The following CSMD3 variants were observed in gnomAD, a reference collection of about 807,000 sequenced individuals.
The protein encoded by CSMD3 is CUB and Sushi multiple domains 3.
In CSMD3, 177 loss-of-function variants were observed where a neutral mutation model predicts 435.2. The ratio of observed to expected loss-of-function variants is 0.41; its 90% CI spans 0.36 to 0.46. CSMD3 has a LOEUF of 0.46. CSMD3 is among the 20% of genes least tolerant of loss of function. The probability of loss-of-function intolerance (pLI) is 0.34; values close to 1 mark genes in which losing one functional copy is unlikely to be tolerated. For synonymous variants in CSMD3, 1,656 were observed against 1,520.5 expected, an observed-to-expected ratio of 1.09 and a Z score of -2.07; for missense variants, 4,265 against 4,504.6, an observed-to-expected ratio of 0.95 and a Z score of 1.52.
At chr8:112,989,339 A>C (rs1388242158) in intron 6 of CSMD3, among the ~76,000 whole-genome samples, 1 of 151,906 alleles carries the variant, frequency 6.6e-6, no homozygotes, top group Non-Finnish European at 1.5e-5. Context: ...TGGGCATTTC[A>C]CTTTATTTCT....
At chr8:113,331,328 CA>C (rs1563709727) in intron 1 of CSMD3, among the ~76,000 whole-genome samples, 1 of 151,124 alleles carries the variant, frequency 6.6e-6, no homozygotes, top group East Asian at 1.9e-4. Flanking sequence ...ATCCTAGGCC[CA>C]AAAAGCTTCA....
chr8:112,447,953 C>A (rs7824048), intron 32 of CSMD3, among the ~76,000 whole-genome samples: 69,851 of 151,920 alleles, frequency 0.46, 16,444 homozygotes, highest in Middle Eastern at 0.61. Context: ...CTGTGTATGT[C>A]ACCTTATTTG....
At chr8:112,949,990 T>C (rs2083750603) in intron 8 of CSMD3, among the ~76,000 whole-genome samples, 1 of 152,010 alleles carries the variant, frequency 6.6e-6, no homozygotes, top group Non-Finnish European at 1.5e-5. Context: ...ACTCATTTTT[T>C]CCATGTTATT....
At chr8:112,947,752 A>G in intron 9 of CSMD3, 38 bp downstream of exon 9, 1 of 863,340 alleles carries the variant, frequency 1.2e-6, no homozygotes, top group Non-Finnish European at 2.0e-6. Context: ...ATAAACCTTG[A>G]CAAGATAAAT....
chr8:113,112,474 T>TACACAC (rs10587896), intron 4 of CSMD3, among the ~76,000 whole-genome samples: 3 of 96,526 alleles, frequency 3.1e-5, no homozygotes, highest in Non-Finnish European at 4.3e-5. Flanking sequence ...CACACACACG[T>TACACAC]ACACACACAC....
chr8:112,366,422 A>G (rs1827784400), intron 38 of CSMD3, among the ~76,000 whole-genome samples: 1 of 152,054 alleles, frequency 6.6e-6, no homozygotes, highest in Non-Finnish European at 1.5e-5. Flanking sequence ...TTTGAAATGG[A>G]GTTTTGCTCT....
intron 3 of CSMD3, among the ~76,000 whole-genome samples, chr8:113,185,808 T>C (rs1426925545): frequency 9.9e-5 from 15 of 151,926 alleles, no homozygotes; most frequent in Admixed American, 9.8e-4. Flanking sequence ...ACTCGGGGCA[T>C]TTGTATCTTT....
At chr8:112,434,849 T>C (rs1814143345) in intron 32 of CSMD3, among the ~76,000 whole-genome samples, 1 of 152,168 alleles carries the variant, frequency 6.6e-6, no homozygotes, top group Non-Finnish European at 1.5e-5. Flanking sequence ...CCTCTGGACA[T>C]GAACTCAATG....
intron 1 of CSMD3, among the ~76,000 whole-genome samples, chr8:113,418,145 T>G (rs944075309): frequency 6.6e-6 from 1 of 152,072 alleles, no homozygotes; most frequent in Non-Finnish European, 1.5e-5. Context: ...CTCTGTTACA[T>G]GAGGGAGATC....
At chr8:112,818,948 GT>G (rs1206869282) in intron 12 of CSMD3, among the ~76,000 whole-genome samples, 1 of 151,954 alleles carries the variant, frequency 6.6e-6, no homozygotes, top group Non-Finnish European at 1.5e-5. Flanking sequence ...CTAGAAACTT[GT>G]TATAAAATTA....
At chr8:113,390,399 C>T (rs557119108) in intron 1 of CSMD3, among the ~76,000 whole-genome samples, 5 of 151,752 alleles carry the variant, frequency 3.3e-5, no homozygotes, top group Non-Finnish European at 7.4e-5. Flanking sequence ...TATTTTTATA[C>T]TTTAGGACCC....
At chr8:113,208,035 C>A (rs2092791013) in intron 3 of CSMD3, among the ~76,000 whole-genome samples, 1 of 152,088 alleles carries the variant, frequency 6.6e-6, no homozygotes, top group South Asian at 2.1e-4. Flanking sequence ...ATCAAGTCTG[C>A]AGAATTAGGT....
intron 8 of CSMD3, among the ~76,000 whole-genome samples, chr8:112,950,228 A>T (rs2083759539): frequency 6.6e-6 from 1 of 151,954 alleles, no homozygotes; most frequent in Admixed American, 6.6e-5. Flanking sequence ...ACCACCTTAT[A>T]TTTGTTATCA....
chr8:113,018,139 A>C (rs1442035002), intron 6 of CSMD3, among the ~76,000 whole-genome samples: 1 of 152,094 alleles, frequency 6.6e-6, no homozygotes, highest in African/African-American at 2.4e-5. Flanking sequence ...TCAAATTACA[A>C]ATCACATCAA....
chr8:113,203,710 T>A (rs1490050952), intron 3 of CSMD3, among the ~76,000 whole-genome samples: 1 of 152,142 alleles, frequency 6.6e-6, no homozygotes, highest in Non-Finnish European at 1.5e-5. Context: ...CAAAATCTTT[T>A]AACATTTTTT....
chr8:113,377,124 C>T, intron 1 of CSMD3: 1 of 1,259,262 alleles, frequency 7.9e-7, no homozygotes, highest in Non-Finnish European at 1.0e-6. Flanking sequence ...TCGTCCGGCT[C>T]TCCGGTCCTC....
intron 3 of CSMD3, among the ~76,000 whole-genome samples, chr8:113,176,294 C>T (rs540907499): frequency 2.0e-5 from 3 of 152,170 alleles, no homozygotes; most frequent in Admixed American, 1.3e-4. Flanking sequence ...TTCATAAAGA[C>T]AGTTAAGATG....
intron 6 of CSMD3, among the ~76,000 whole-genome samples, chr8:112,983,480 G>C (rs897726667): frequency 6.6e-6 from 1 of 151,010 alleles, no homozygotes; most frequent in Non-Finnish European, 1.5e-5. Context: ...GGTGTTAAAA[G>C]ATGTTCTTAA....
intron 3 of CSMD3, among the ~76,000 whole-genome samples, chr8:113,190,373 G>A (rs1030320075): frequency 2.0e-5 from 3 of 151,944 alleles, no homozygotes; most frequent in Middle Eastern, 3.4e-3. Context: ...GTAAGGAAGG[G>A]TAGTGGAAAG....
Sources: allele counts gnomAD v4.1 joint callset (sites outside exome capture counted in the v4.1 genomes callset), GRCh38; gene constraint gnomAD v4.1.1; transcripts MANE v1.5; gene names NCBI Gene and HGNC (gene_info 2026-07-23, HGNC 2026-07-21).